Variants in METTL15 observed in about 807,000 individuals in gnomAD.
METTL15 encodes 12S rRNA N(4)-cytidine methyltransferase METTL15.
Under a neutral mutation model 38.3 loss-of-function variants are expected in METTL15, and 34 were observed. That is an observed-to-expected ratio of 0.89 (90% CI 0.68 to 1.18). METTL15 has a LOEUF of 1.18. Among genes scored for constraint, METTL15 ranks in the 50% most tolerant of loss-of-function variants. The probability of loss-of-function intolerance (pLI) is 0.00; values close to 1 mark genes in which losing one functional copy is unlikely to be tolerated. For synonymous variants in METTL15, 162 were observed against 170.9 expected (o/e 0.95, Z 0.41); for missense variants, 438 against 498.4 (o/e 0.88, Z 1.15).
At chr11:28,509,884 TA>T (rs1360388500) in intron 6 of METTL15, among the ~76,000 whole-genome samples, 1 of 152,196 alleles carries the variant, frequency 6.6e-6, no homozygotes, top group African/African-American at 2.4e-5. Flanking sequence ...CCTGCAACTT[TA>T]TTTTAGGTTG....
intron 3 of METTL15, among the ~76,000 whole-genome samples, chr11:28,140,234 G>A (rs1849653602): frequency 1.3e-5 from 2 of 152,184 alleles, no homozygotes; most frequent in Admixed American, 6.5e-5. Context: ...CTACCTAGTA[G>A]TATCTGCAGT....
intron 6 of METTL15, among the ~76,000 whole-genome samples, chr11:28,314,935 A>G (rs968112117): frequency 2.0e-5 from 3 of 152,198 alleles, no homozygotes; most frequent in African/African-American, 4.8e-5. Flanking sequence ...ATTGCCTTCT[A>G]CTATGATTGT....
At chr11:28,249,472 T>G (rs1409678355) in intron 4 of METTL15, among the ~76,000 whole-genome samples, 1 of 151,970 alleles carries the variant, frequency 6.6e-6, no homozygotes, top group Non-Finnish European at 1.5e-5. Flanking sequence ...TGTAAATATA[T>G]TAATTGCTAA....
At chr11:28,180,664 T>G (rs1310351470) in intron 3 of METTL15, among the ~76,000 whole-genome samples, 2 of 151,848 alleles carry the variant, frequency 1.3e-5, no homozygotes, top group African/African-American at 2.4e-5. Context: ...GTATGCAATT[T>G]CTTAGTAGTC....
chr11:28,311,078 C>T (rs1316925762), intron 6 of METTL15, among the ~76,000 whole-genome samples: 1 of 151,598 alleles, frequency 6.6e-6, no homozygotes, highest in African/African-American at 2.4e-5. Flanking sequence ...TTGATTTAAA[C>T]TAGCACAGCA....
intron 3 of METTL15, among the ~76,000 whole-genome samples, chr11:28,181,420 CT>C (rs1851284115): frequency 6.6e-6 from 1 of 151,750 alleles, no homozygotes; most frequent in Non-Finnish European, 1.5e-5. Flanking sequence ...ACCTCACCCC[CT>C]GACAGAACCC....
intron 3 of METTL15, among the ~76,000 whole-genome samples, chr11:28,187,754 A>G (rs1435059222): frequency 6.6e-6 from 1 of 151,034 alleles, no homozygotes; most frequent in Non-Finnish European, 1.5e-5. Context: ...GATGGAGGAG[A>G]TGAAAATTAC....
chr11:28,411,266 CAA>C (rs1850721943), intron 5 of METTL15, among the ~76,000 whole-genome samples: 1 of 151,740 alleles, frequency 6.6e-6, no homozygotes, highest in African/African-American at 2.4e-5. Flanking sequence ...TATGGGACTA[CAA>C]AAAAATCGCC....
downstream of METTL15, among the ~76,000 whole-genome samples, chr11:28,531,420 A>T (rs944650901): frequency 1.3e-5 from 2 of 152,026 alleles, no homozygotes; most frequent in Non-Finnish European, 2.9e-5. Flanking sequence ...TAGTATATTC[A>T]AGACCACTCC....
Position 28,140,505 on chromosome 11 carries a change from A to G in METTL15, c.270+26901A>G, listed in dbSNP as rs1590796874. 2.0e-5 allele frequency among the ~76,000 whole-genome samples: 3 copies of G among 152,256 alleles called. No homozygotes were observed. In the East Asian group the frequency reaches 5.8e-4, roughly 29 times the overall value. ...CTGAGGAGGAGAAGACTCAGAAATG[A>G]AAGCAAAAGGTTTCAGATCTGCAGT... is the stretch of plus-strand genomic sequence containing the variant. On this transcript the variant is annotated intron_variant, in intron 3 of 6. Transcript: ENST00000407364.
chr11:28,487,161 T>C (rs1376612962), intron 6 of METTL15, among the ~76,000 whole-genome samples: 1 of 152,160 alleles, frequency 6.6e-6, no homozygotes, highest in African/African-American at 2.4e-5. Flanking sequence ...TCAAAAATCT[T>C]TAAAAGGCAC....
intron 5 of METTL15, among the ~76,000 whole-genome samples, chr11:28,418,587 A>G (rs1370580587): frequency 6.6e-6 from 1 of 152,156 alleles, no homozygotes; most frequent in Non-Finnish European, 1.5e-5. Context: ...ACAACTGTCT[A>G]TACAAAATAG....
chr11:28,293,415 G>A (rs912495675), intron 5 of METTL15, among the ~76,000 whole-genome samples: 31 of 140,122 alleles, frequency 2.2e-4, no homozygotes, highest in African/African-American at 3.2e-4. Context: ...ATTGATCTAT[G>A]TCTCTGTTTT....
At chr11:28,275,961 C>G (rs1855826575) in intron 4 of METTL15, among the ~76,000 whole-genome samples, 2 of 151,972 alleles carry the variant, frequency 1.3e-5, no homozygotes, top group South Asian at 4.1e-4. Flanking sequence ...ATACTAAGTG[C>G]CATATATTAC....
intron 4 of METTL15, among the ~76,000 whole-genome samples, chr11:28,238,575 T>G (rs1854134935): frequency 6.6e-6 from 1 of 152,212 alleles, no homozygotes; most frequent in Non-Finnish European, 1.5e-5. Context: ...AGGCAGTGCC[T>G]CGCCCTGCTT....
chr11:28,522,920 T>C (rs867590854), intron 6 of METTL15, among the ~76,000 whole-genome samples: 2 of 152,252 alleles, frequency 1.3e-5, no homozygotes, highest in Non-Finnish European at 2.9e-5. Context: ...TTTTATTCAT[T>C]TATTTAAAAC....
intron 4 of METTL15, chr11:28,352,268 C>T (rs1390225594): frequency 6.6e-6 from 1 of 152,160 alleles, no homozygotes; most frequent in Non-Finnish European, 1.5e-5. Context: ...GGTGCTCCCA[C>T]AACAACTTGA....
Position 28,343,166 on chromosome 11 carries a change from T to C in METTL15, c.*190-8924T>C, listed in dbSNP as rs190141671. 2.2e-3 allele frequency among the ~76,000 whole-genome samples: 325 copies of C among 150,722 alleles called. 2 individuals carry two copies. Among genetic ancestry groups the C allele is most frequent in the Non-Finnish European group, 3.8e-3 (260 of 67,812 alleles). On this transcript the variant is annotated intron_variant and NMD_transcript_variant, in intron 3 of 7. Coordinates refer to the METTL15 transcript ENST00000532947. ...AGATGTTTTTTCATTTCCCATTGTA[T>C]ACATACATATATAATATTTTTTCAT...
chr11:28,144,685 CTT>C (rs1344186338), intron 3 of METTL15, among the ~76,000 whole-genome samples: 1 of 151,900 alleles, frequency 6.6e-6, no homozygotes, highest in African/African-American at 2.4e-5. Context: ...ATGTTTCTCT[CTT>C]GTAGTGGTTT....
Sources: gnomAD v4.1 joint callset for allele counts (sites outside exome capture counted in the v4.1 genomes callset) on GRCh38, gnomAD v4.1.1 for gene constraint, MANE v1.5 for transcripts, NCBI Gene and HGNC (gene_info 2026-07-23, HGNC 2026-07-21) for gene names.